Variants in ZSWIM8 observed in about 807,000 individuals in gnomAD.
ZSWIM8 encodes zinc finger SWIM domain-containing protein 8.
Under a neutral mutation model 173.7 loss-of-function variants are expected in ZSWIM8, and 27 were observed. The observed-to-expected ratio is 0.16, with a 90% CI of 0.11 to 0.21. ZSWIM8 has a LOEUF of 0.21. ZSWIM8 is among the 10% of genes least tolerant of loss of function. The pLI is 1.00. For synonymous variants in ZSWIM8, 958 were observed against 962.0 expected, an observed-to-expected ratio of 1.00 and a Z score of 0.08; for missense variants, 1,627 against 2,428.8, an observed-to-expected ratio of 0.67 and a Z score of 6.94.
chr10:73,797,504 T>C lies in ZSWIM8; in HGVS notation c.3561T>C (p.Ile1187=), dbSNP rs746930529. Residue 1187 remains isoleucine, a synonymous_variant, in exon 18 of 26, where the codon ATT becomes ATC. Coordinates refer to ENST00000604729, the MANE Select transcript of ZSWIM8 (RefSeq NM_001367799.1). This position sits in a 1 kb window ranked among gnomAD's most constrained non-coding sequence, Gnocchi z 5.6. ...GTCGAGGTCAGGACAGTGACAGCAT[T>C]AGCAGCTCTTCTTCGGACTCCCTGG... is the stretch of plus-strand genomic sequence containing the variant. ...SWGRGQDSDS[I]SSSSSDSLGS... is the part of the protein sequence containing the mutation. 1 of 1,613,920 alleles carries C rather than the reference T, an allele frequency of 6.2e-7. No homozygotes were observed. Among genetic ancestry groups the C allele is most frequent in the Non-Finnish European group, 8.5e-7 (1 of 1,179,862 alleles).
In ZSWIM8 at chr10:73,791,951, T is replaced by A. The variant is rs1305109880; in HGVS notation, c.1412T>A (p.Leu471His). Reference protein sequence around the residue: ...RGQHKKTLERLFPGFRPAVEA... With the variant: ...RGQHKKTLERHFPGFRPAVEA... ...CAACACAAGAAGACGCTGGAGCGGC[T>A]CTTCCCCGGCTTCCGGCCAGCGGTG... Residue 471 changes from leucine to histidine, a missense_variant, in exon 10 of 26, where the codon CTC (leucine) becomes CAC (histidine). Transcript: ENST00000604729. This position sits in a 1 kb window ranked among gnomAD's most constrained non-coding sequence, Gnocchi z 6.0. The A allele has an allele frequency of 6.4e-7, 1 of 1,551,384 alleles. No individual in the cohort carries two copies. Among genetic ancestry groups the A allele is most frequent in the Admixed American group, 2.0e-5 (1 of 51,028 alleles).
Position 73,792,098 on chromosome 10 carries a change from G to A in ZSWIM8, c.1559G>A (p.Arg520His), listed in dbSNP as rs1046746853. ...RALPSRPGAS[R>H]SGGLEESRDR... ...CTGCCCTCTCGGCCAGGTGCCTCCCGCTCTGGGGGCCTGGAGGAATCCCGG... is the reference window on the plus strand; with the variant it reads ...CTGCCCTCTCGGCCAGGTGCCTCCCACTCTGGGGGCCTGGAGGAATCCCGG... Residue 520 changes from arginine (R) to histidine (H), a missense_variant, in exon 10 of 26, where the codon CGC becomes CAC. Around this residue, in one of 18 missense-constraint regions of ZSWIM8, gnomAD observed 383 missense variants for 394.8 expected, o/e 0.97. Coordinates refer to ENST00000604729, the MANE Select transcript of ZSWIM8 (RefSeq NM_001367799.1). This position sits in a 1 kb window ranked among gnomAD's most constrained non-coding sequence, Gnocchi z 4.3. 58 of 1,531,366 alleles carry A rather than the reference G, an allele frequency of 3.8e-5. No individual in the cohort carries two copies. The Admixed American group carries it at 3.9e-4, about 10-fold the overall frequency. The allele number at this position is 1,531,366 out of a possible 1,614,324, so 94.9% of individuals were successfully genotyped here.
chr10:73,797,753 C>A lies in ZSWIM8; in HGVS notation c.3663-28C>A, dbSNP rs1454371274. 4 of 1,601,374 alleles carry A rather than the reference C, an allele frequency of 2.5e-6. No individual in the cohort carries two copies. The highest frequency in any genetic ancestry group is 3.4e-6 in the Non-Finnish European group (4 of 1,172,146). On this transcript the variant is annotated intron_variant, in intron 18 of 25. Transcript: ENST00000604729. The surrounding 1 kb of genome is among the most constrained non-coding windows in gnomAD (Gnocchi z 5.6). ...ATGCCCATTTCAAAGAAACCCCAAC[C>A]CCCGTCCCTACCCCATTGCCCCTTC...
chr10:73,794,464 G>T, intron 13 of ZSWIM8, 77 bp from the exon 14 acceptor site: 1 of 1,566,308 alleles, frequency 6.4e-7, no homozygotes, highest in Non-Finnish European at 8.7e-7. Flanking sequence ...CTGTGATGAT[G>T]AGGATTTTGG....
At position 73,789,743 on chromosome 10, in the gene ZSWIM8, A is replaced by G. The variant is rs376401007; in HGVS notation, c.657A>G (p.Pro219=). The G allele has an allele frequency of 1.0e-5, 16 of 1,608,002 alleles. No individual in the cohort carries two copies. In the African/African-American group the frequency reaches 2.1e-4, roughly 21 times the overall value. ...CTTCTGCAGTCTGCCTGCGAGCCCC[A>G]GTCTCAGAGTCCCTGTCCCGGCTAC... is the stretch of plus-strand genomic sequence containing the variant. ...HNASAVCLRA[P]VSESLSRLQR... The change falls in exon 5 of 26, where the codon CCA becomes CCG. Residue 219 remains proline (P), a synonymous_variant. Transcript: ENST00000604729. The surrounding 1 kb of genome is among the most constrained non-coding windows in gnomAD (Gnocchi z 6.8).
intron 1 of ZSWIM8, among the ~76,000 whole-genome samples, chr10:73,787,825 C>T (rs1312884380): frequency 6.6e-6 from 1 of 151,874 alleles, no homozygotes; most frequent in Non-Finnish European, 1.5e-5. Flanking sequence ...TGCACTCCAG[C>T]CTGGGTGACA....
chr10:73,787,820 T>G (rs2083278309), intron 1 of ZSWIM8, among the ~76,000 whole-genome samples: 1 of 152,032 alleles, frequency 6.6e-6, no homozygotes, highest in Admixed American at 6.6e-5. Context: ...ACCATTGCAC[T>G]CCAGCCTGGG....
rs748400506 is a variant in ZSWIM8, at chr10:73,799,269, G to A, written c.4444G>A (p.Ala1482Thr). 1.3e-6 allele frequency: 2 copies of A among 1,598,176 alleles called. No homozygotes were observed. The highest frequency in any genetic ancestry group is 8.5e-7 in the Non-Finnish European group (1 of 1,173,036). Reference protein sequence around the residue: ...PVTVAAAAVTAAATVVPVISV... With the variant: ...PVTVAAAAVTTAATVVPVISV... ...TACAGTGGCAGCGGCAGCAGTGACAGCAGCAGCCACAGTGGTGCCCGTCAT... is the reference window on the plus strand; with the variant it reads ...TACAGTGGCAGCGGCAGCAGTGACAACAGCAGCCACAGTGGTGCCCGTCAT... The change falls in exon 21 of 26, where the codon GCA becomes ACA. Residue 1482 changes from alanine to threonine, a missense_variant. This residue lies in a region of ZSWIM8 where 275 missense variants were observed against 290.1 expected (regional missense o/e 0.95). Transcript: ENST00000604729.
chr10:73,799,760 G>A (rs576455152), intron 21 of ZSWIM8: 125 of 628,016 alleles, frequency 2.0e-4, no homozygotes, highest in South Asian at 1.2e-3. Flanking sequence ...GGGAAACCCC[G>A]TCTCTACTAA....
chr10:73,785,935 G>C lies in ZSWIM8; in HGVS notation c.57G>C (p.Ser19=). The part of the protein sequence containing the change: ...EDGERFSFED[S]DRFEEDSLCS... ...GAGAGCGCTTCTCATTCGAGGATTC[G>C]GACCGTTTTGAGGAGGATTCACTCT... The change falls in exon 1 of 26, where the codon TCG becomes TCC. Residue 19 remains serine (S), a synonymous_variant. Coordinates refer to ENST00000604729, the MANE Select transcript of ZSWIM8 (RefSeq NM_001367799.1). The C allele has an allele frequency of 1.3e-6, 2 of 1,555,620 alleles. No individual in the cohort carries two copies. The highest frequency in any genetic ancestry group is 1.7e-6 in the Non-Finnish European group (2 of 1,149,604).
chr10:73,799,191 G>A lies in ZSWIM8; in HGVS notation c.4366G>A (p.Glu1456Lys), dbSNP rs2271272. The A allele has an allele frequency of 3.7e-6, 6 of 1,610,078 alleles. No homozygotes were observed. The East Asian group carries it at 1.3e-4, about 36-fold the overall frequency. ...TGCCAGTGGGATCAGGGCAGGTGGG[G>A]AAGCTGGGCGGGGTATGCCTGAGGG... Reference protein sequence around the residue: ...CSASGIRAGGEAGRGMPEGRG... With the variant: ...CSASGIRAGGKAGRGMPEGRG... The change falls in exon 21 of 26, where the codon GAA (glutamate) becomes AAA (lysine). Residue 1456 changes from glutamate (E) to lysine (K), a missense_variant. Transcript: ENST00000604729.
chr10:73,796,546 C>T, intron 15 of ZSWIM8: 1 of 584,526 alleles, frequency 1.7e-6, no homozygotes, highest in Non-Finnish European at 3.0e-6. Context: ...TATTGACTAT[C>T]AGTATATTCT....
At chr10:73,793,756 C>A (rs766964542) in intron 11 of ZSWIM8, 37 bp downstream of exon 11, 2 of 1,571,088 alleles carry the variant, frequency 1.3e-6, no homozygotes, top group Admixed American at 3.5e-5. Context: ...CCCTCCCCCA[C>A]TTACCCCCAA....
In ZSWIM8 at chr10:73,797,584, C is replaced by T. The variant is rs770884227; in HGVS notation, c.3641C>T (p.Ala1214Val). 73 of 1,613,752 alleles carry T rather than the reference C, an allele frequency of 4.5e-5. No individual in the cohort carries two copies. Among genetic ancestry groups the T allele is most frequent in the South Asian group, 6.6e-5 (6 of 91,050 alleles). Residue 1214 changes from alanine to valine, a missense_variant, in exon 18 of 26, where the codon GCG becomes GTG. Coordinates refer to ENST00000604729, the MANE Select transcript of ZSWIM8 (RefSeq NM_001367799.1). The surrounding 1 kb of genome is among the most constrained non-coding windows in gnomAD (Gnocchi z 5.6). ...RRASASGGAR[A>V]KTVEVGRYKG... ...GCCAGTGCCAGTGGAGGAGCCCGGG[C>T]GAAGACTGTTGAAGTTGGCAGGTCA...
Position 73,800,651 on chromosome 10 carries a change from C to T in ZSWIM8, c.5014C>T (p.Leu1672=), listed in dbSNP as rs374579815. 4 of 1,613,738 alleles carry T rather than the reference C, an allele frequency of 2.5e-6. No individual in the cohort carries two copies. The highest frequency in any genetic ancestry group is 1.3e-5 in the African/African-American group (1 of 74,992). Residue 1672 remains leucine, a synonymous_variant, in exon 24 of 26, where the codon CTG becomes TTG. Transcript: ENST00000604729. The surrounding 1 kb of genome is among the most constrained non-coding windows in gnomAD (Gnocchi z 4.1). Reference sequence around the variant, plus strand: ...TATCTATCTCCCAGGAATGCTGGCACTGGAGATGCTGGGTCGCCGGGCACA... The same window carrying T: ...TATCTATCTCCCAGGAATGCTGGCATTGGAGATGCTGGGTCGCCGGGCACA... ...HAAYRVGMLA[L]EMLGRRAHND...
At chr10:73,787,860 A>G (rs2083279966) in intron 1 of ZSWIM8, among the ~76,000 whole-genome samples, 1 of 152,168 alleles carries the variant, frequency 6.6e-6, no homozygotes, top group Non-Finnish European at 1.5e-5. Flanking sequence ...CTCAAAATAA[A>G]TAAATAAAAA....
chr10:73,789,566 C>T lies in ZSWIM8; in HGVS notation c.630+27C>T, dbSNP rs1271881573. 1 of 1,607,048 alleles carries T rather than the reference C, an allele frequency of 6.2e-7. No individual in the cohort carries two copies. Among genetic ancestry groups the T allele is most frequent in the East Asian group, 2.2e-5 (1 of 44,782 alleles). ...TGAGGCCCTCCCAATTTATCCCGGC[C>T]CTATCCTACACTCCATCCCCCCCTT... On this transcript the variant is annotated intron_variant, in intron 4 of 25. Coordinates refer to ENST00000604729, the MANE Select transcript of ZSWIM8 (RefSeq NM_001367799.1). The surrounding 1 kb of genome is among the most constrained non-coding windows in gnomAD (Gnocchi z 6.8).
Position 73,796,951 on chromosome 10 carries a change from C to T in ZSWIM8, c.3211C>T (p.Pro1071Ser), listed in dbSNP as rs997184922. ...LTSGSAGPAQPGSVAGAGPGP... is the reference protein window; with the variant it reads ...LTSGSAGPAQSGSVAGAGPGP... ...CTCAGGCTCTGCAGGGCCTGCTCAA[C>T]CAGGGAGTGTGGCAGGGGCTGGGCC... Residue 1071 changes from proline to serine, a missense_variant, in exon 16 of 26, where the codon CCA becomes TCA. Physicochemically the swap from Pro to Ser is moderately conservative, Grantham distance 74. Transcript: ENST00000604729. 10 of 1,613,964 alleles carry T rather than the reference C, an allele frequency of 6.2e-6. No homozygotes were observed. Among genetic ancestry groups the T allele is most frequent in the Non-Finnish European group, 8.5e-6 (10 of 1,179,824 alleles).
intron 14 of ZSWIM8, among the ~76,000 whole-genome samples, chr10:73,795,162 C>A (rs2083579434): frequency 6.6e-6 from 1 of 151,770 alleles, no homozygotes; most frequent in East Asian, 1.9e-4. Flanking sequence ...GGCAGCAAAA[C>A]AAAAATCTAG....
Sources: allele counts gnomAD v4.1 joint callset (sites outside exome capture counted in the v4.1 genomes callset), GRCh38; gene constraint gnomAD v4.1.1; regional missense constraint gnomAD v4.1.1; non-coding constraint Gnocchi (gnomAD v3.1); transcripts MANE v1.5; gene names NCBI Gene and HGNC (gene_info 2026-07-23, HGNC 2026-07-21).